The following MBD2 variants were observed in gnomAD, a reference collection of about 807,000 sequenced individuals.
MBD2 encodes the protein methyl-CpG binding domain protein 2.
MBD2 carries 9 observed loss-of-function variants against 39.3 expected under a neutral mutation model. The ratio of observed to expected loss-of-function variants is 0.23; its 90% CI spans 0.14 to 0.40. The LOEUF (loss-of-function observed/expected upper bound fraction) is 0.40. Ranked by LOEUF, MBD2 falls within the 10% of genes least tolerant of loss-of-function variation. MBD2 has a pLI of 1.00. For synonymous variants in MBD2, 233 were observed against 211.1 expected (o/e 1.10, Z -0.90); for missense variants, 458 against 532.6 (o/e 0.86, Z 1.38).
intron 4 of MBD2, among the ~76,000 whole-genome samples, 174 bp from the exon 5 acceptor site, chr18:54,164,874 G>A (rs575275375): frequency 1.1e-4 from 17 of 152,254 alleles, no homozygotes; most frequent in African/African-American, 3.9e-4. Flanking sequence ...ACACACTAAA[G>A]AATTCACACT....
rs908247529 is a variant in MBD2 at position 54,203,137 on chromosome 18, G to C, written c.702+1861C>G. On this transcript the variant is annotated intron_variant, in intron 2 of 6. Coordinates refer to ENST00000256429, the MANE Select transcript of MBD2 (RefSeq NM_003927.5). Reference sequence around the variant, plus strand: ...AAAAGTGCACACAAACTGAAGAGATGAATTAGTGTTTGGTTTTTGATGAAA... The same window carrying C: ...AAAAGTGCACACAAACTGAAGAGATCAATTAGTGTTTGGTTTTTGATGAAA... 3.7e-6 allele frequency: 6 copies of C among 1,607,430 alleles called. No homozygotes were observed. The African/African-American group carries it at 6.7e-5, about 18-fold the overall frequency.
chr18:54,160,015 G>C, intron 5 of MBD2, 112 bp from the exon 6 acceptor site: 1 of 1,240,940 alleles, frequency 8.1e-7, no homozygotes, highest in South Asian at 1.5e-5. Flanking sequence ...AAGAAGAATA[G>C]ACTTCCTTTT....
chr18:54,198,633 T>C (rs2086383503), intron 2 of MBD2, among the ~76,000 whole-genome samples: 1 of 152,248 alleles, frequency 6.6e-6, no homozygotes, highest in African/African-American at 2.4e-5. Flanking sequence ...GAGGATCACC[T>C]GAGCCCAGGT....
intron 3 of MBD2, among the ~76,000 whole-genome samples, chr18:54,177,625 C>T (rs1331581235): frequency 2.0e-5 from 3 of 152,026 alleles, no homozygotes; most frequent in Non-Finnish European, 2.9e-5. Flanking sequence ...GGACTACAGG[C>T]GCCCGCCACC....
chr18:54,184,282 A>G (rs1268524593), intron 3 of MBD2, among the ~76,000 whole-genome samples: 2 of 152,106 alleles, frequency 1.3e-5, no homozygotes, highest in African/African-American at 2.4e-5. Context: ...CTCCTGCCCA[A>G]TCAGAGGCAG....
chr18:54,166,970 T>C (rs1168766961), intron 3 of MBD2, among the ~76,000 whole-genome samples: 2 of 152,238 alleles, frequency 1.3e-5, no homozygotes, highest in Non-Finnish European at 2.9e-5. Context: ...CCATTCAACA[T>C]ATCTTTATTG....
chr18:54,181,085 C>T (rs544719733), intron 3 of MBD2, among the ~76,000 whole-genome samples: 98 of 151,856 alleles, frequency 6.5e-4, no homozygotes, highest in African/African-American at 2.2e-3. Flanking sequence ...AGTAGAGATG[C>T]GTTTTCACCA....
intron 3 of MBD2, chr18:54,187,899 A>G: frequency 2.0e-6 from 2 of 975,746 alleles, no homozygotes; most frequent in Non-Finnish European, 1.2e-6. Context: ...AGTTTCTTCT[A>G]GAGCAACTGT....
At position 54,209,205 on chromosome 18, in the gene MBD2, T is replaced by C. The variant is rs561263012; in HGVS notation, c.543-4048A>G. ...CTGCTACTTGGGGAGGCTGAGGCAG[T>C]AGAATTGCTTGAACCTGGGAGGCGG... On this transcript the variant is annotated intron_variant, in intron 1 of 6. Coordinates refer to ENST00000256429, the MANE Select transcript of MBD2 (RefSeq NM_003927.5). 2.2e-4 allele frequency among the ~76,000 whole-genome samples: 32 copies of C among 145,158 alleles called. No individual in the cohort carries two copies. In the South Asian group the frequency reaches 6.2e-3, roughly 28 times the overall value.
intron 5 of MBD2, among the ~76,000 whole-genome samples, chr18:54,163,581 G>T (rs1371248161): frequency 6.6e-6 from 1 of 151,992 alleles, no homozygotes; most frequent in African/African-American, 2.4e-5. Context: ...TACTTTCTGG[G>T]TTCTACCAAT....
At chr18:54,199,290 G>A (rs1255991381) in intron 2 of MBD2, among the ~76,000 whole-genome samples, 1 of 152,102 alleles carries the variant, frequency 6.6e-6, no homozygotes, top group Admixed American at 6.5e-5. Flanking sequence ...CCAATGGCTA[G>A]ACAAAGTCTT....
chr18:54,210,609 T>C (rs2144340246), intron 1 of MBD2, among the ~76,000 whole-genome samples: 1 of 152,274 alleles, frequency 6.6e-6, no homozygotes, highest in Admixed American at 6.5e-5. Context: ...TAAACACAAG[T>C]CTATTTTCAA....
At chr18:54,192,790 C>T (rs1446006879) in intron 2 of MBD2, among the ~76,000 whole-genome samples, 2 of 150,462 alleles carry the variant, frequency 1.3e-5, no homozygotes, top group Admixed American at 6.6e-5. Flanking sequence ...GTAAGATGGA[C>T]GTTCTTCCAT....
chr18:54,184,590 T>C (rs2086272091), intron 3 of MBD2, among the ~76,000 whole-genome samples: 1 of 152,218 alleles, frequency 6.6e-6, no homozygotes, highest in Non-Finnish European at 1.5e-5. Flanking sequence ...TGCTAGTATG[T>C]ACCAAAAATG....
At chr18:54,203,189 C>T (rs1263364814) in intron 2 of MBD2, 11 of 1,550,320 alleles carry the variant, frequency 7.1e-6, no homozygotes, top group East Asian at 2.3e-5. Flanking sequence ...TAAATCTGCA[C>T]ATTACACTTA....
At chr18:54,188,586 T>C (rs976012272) in intron 3 of MBD2, among the ~76,000 whole-genome samples, 3 of 152,162 alleles carry the variant, frequency 2.0e-5, no homozygotes, top group Non-Finnish European at 4.4e-5. Flanking sequence ...AAGATAATCT[T>C]TAAAAAACTA....
chr18:54,166,082 G>T lies in MBD2; in HGVS notation c.925C>A (p.Leu309Ile). 1 of 1,607,558 alleles carries T rather than the reference G, an allele frequency of 6.2e-7. No homozygotes were observed. Residue 309 changes from leucine (L) to isoleucine (I), a missense_variant, in exon 4 of 7, where the codon CTT becomes ATT. Leu to Ile is a conservative substitution (Grantham distance 5). This residue lies in a region of MBD2 where 189 missense variants were observed against 296.6 expected (regional missense o/e 0.64). Transcript: ENST00000256429. ...IIKTMELPKG[L>I]QGVGPGSNDE... is the part of the protein sequence containing the mutation. ...AACTGAACTTAGATAATACCTTGAA[G>T]ACCTTTGGGTAGTTCCATGGTTTTT...
At chr18:54,217,207 A>G (rs1340316247) in intron 1 of MBD2, among the ~76,000 whole-genome samples, 1 of 152,240 alleles carries the variant, frequency 6.6e-6, no homozygotes, top group Non-Finnish European at 1.5e-5. Context: ...ATCTAATTTT[A>G]AATTTTATTA....
chr18:54,173,357 C>A lies in MBD2; in HGVS notation c.841-7191G>T, dbSNP rs955554757. On this transcript the variant is annotated intron_variant, in intron 3 of 6. Transcript: ENST00000256429. Reference sequence around the variant, plus strand: ...AAGGGTATGGCAGCAGAGCATTAAACCAGGCATGGCCCTTCCTTCTAAGTG... The same window carrying A: ...AAGGGTATGGCAGCAGAGCATTAAAACAGGCATGGCCCTTCCTTCTAAGTG... Among the ~76,000 whole-genome samples, 6 of 152,122 alleles carry A rather than the reference C, an allele frequency of 3.9e-5. No individual in the cohort carries two copies. The South Asian group carries it at 6.2e-4, about 16-fold the overall frequency.
Sources: gnomAD v4.1 joint callset for allele counts (sites outside exome capture counted in the v4.1 genomes callset) on GRCh38, gnomAD v4.1.1 for gene constraint, gnomAD v4.1.1 regional missense constraint, MANE v1.5 for transcripts, NCBI Gene and HGNC (gene_info 2026-07-23, HGNC 2026-07-21) for gene names.